Variants in NALCN observed in about 807,000 individuals in gnomAD.
NALCN encodes sodium leak channel, non-selective, also known as sodium leak channel NALCN.
In NALCN, 111 loss-of-function variants were observed where a neutral mutation model predicts 225.3. The ratio of observed to expected loss-of-function variants is 0.49; its 90% confidence interval spans 0.42 to 0.58. The LOEUF is 0.58. NALCN is among the 20% of genes least tolerant of loss of function. NALCN has a pLI of 0.00. For synonymous variants in NALCN, 764 were observed against 769.0 expected, an observed-to-expected ratio of 0.99 and a Z score of 0.11; for missense variants, 1,378 against 2,202.4, an observed-to-expected ratio of 0.63 and a Z score of 7.49.
intron 1 of NALCN, among the ~76,000 whole-genome samples, chr13:101,403,468 G>A (rs1176261830): frequency 6.6e-6 from 1 of 152,176 alleles, no homozygotes; most frequent in Non-Finnish European, 1.5e-5. Context: ...TCCCACATCA[G>A]TCTTTCCTAA....
At chr13:101,176,815 T>C (rs2038977334) in intron 14 of NALCN, among the ~76,000 whole-genome samples, 1 of 152,206 alleles carries the variant, frequency 6.6e-6, no homozygotes, top group African/African-American at 2.4e-5. Flanking sequence ...TGTGATAAGA[T>C]ACATGCAGCC....
At chr13:101,226,125 T>TA (rs1226817094) in intron 13 of NALCN, among the ~76,000 whole-genome samples, 1 of 151,834 alleles carries the variant, frequency 6.6e-6, no homozygotes, top group Non-Finnish European at 1.5e-5. Flanking sequence ...TCCCTTTGAT[T>TA]AAAAAAACAC....
intron 17 of NALCN, among the ~76,000 whole-genome samples, chr13:101,126,623 G>T (rs1312005710): frequency 6.6e-6 from 1 of 151,956 alleles, no homozygotes; most frequent in East Asian, 1.9e-4. Flanking sequence ...CACCCGAGTA[G>T]CTGGGACTAC....
At chr13:101,305,793 G>A (rs2044134343) in intron 7 of NALCN, among the ~76,000 whole-genome samples, 1 of 152,190 alleles carries the variant, frequency 6.6e-6, no homozygotes, top group South Asian at 2.1e-4. Flanking sequence ...TCCCTTTGTA[G>A]ATTGTAAACT....
chr13:101,225,022 C>A (rs1594473439), intron 13 of NALCN, among the ~76,000 whole-genome samples: 3 of 152,180 alleles, frequency 2.0e-5, no homozygotes, highest in Admixed American at 2.0e-4. Context: ...CTCCGTCAAC[C>A]AATGCCTCCT....
chr13:101,184,712 G>T (rs1415792143), intron 14 of NALCN, among the ~76,000 whole-genome samples: 1 of 152,110 alleles, frequency 6.6e-6, no homozygotes, highest in African/African-American at 2.4e-5. Context: ...CAGCTGAAAA[G>T]TATGATTTAT....
chr13:101,392,531 C>T (rs980765294), intron 3 of NALCN, among the ~76,000 whole-genome samples: 5 of 152,082 alleles, frequency 3.3e-5, no homozygotes, highest in Admixed American at 6.5e-5. Context: ...TACTTCAAAT[C>T]CCAATTTTTT....
In NALCN at chr13:101,160,176, G is replaced by A. The variant is rs146893553; in HGVS notation, c.1840-15280C>T. ...TCACCATGTTAGCCAGGATGGTCTC[G>A]ATCTCCTGACCTTGTGATCTGCCCG... On this transcript the variant is annotated intron_variant, in intron 15 of 43. Transcript: ENST00000251127. Among the ~76,000 whole-genome samples the A allele has an allele frequency of 5.8e-4, 89 of 152,172 alleles. No individual in the cohort carries two copies. The East Asian group carries it at 0.014, about 24-fold the overall frequency.
intron 1 of NALCN, among the ~76,000 whole-genome samples, chr13:101,399,682 G>C (rs546448792): frequency 6.6e-6 from 1 of 152,266 alleles, no homozygotes; most frequent in African/African-American, 2.4e-5. Context: ...GAAAGAATGG[G>C]GGAAGAACCT....
At chr13:101,148,192 T>G (rs538763315) in intron 15 of NALCN, among the ~76,000 whole-genome samples, 1 of 152,268 alleles carries the variant, frequency 6.6e-6, no homozygotes, top group South Asian at 2.1e-4. Context: ...CTCTCAGCAT[T>G]CTGGAGGCTA....
At chr13:101,179,180 T>C (rs2039087835) in intron 14 of NALCN, among the ~76,000 whole-genome samples, 2 of 152,208 alleles carry the variant, frequency 1.3e-5, no homozygotes, top group African/African-American at 4.8e-5. Context: ...GCACTGTGCT[T>C]GGAGTCAGAG....
chr13:101,200,241 C>T (rs1052319431), intron 13 of NALCN, among the ~76,000 whole-genome samples: 20 of 152,220 alleles, frequency 1.3e-4, no homozygotes, highest in South Asian at 4.2e-4. Context: ...CACTCCTTCC[C>T]AGCCAAGAAA....
chr13:101,173,944 T>A (rs2038853760), intron 15 of NALCN, among the ~76,000 whole-genome samples: 2 of 152,176 alleles, frequency 1.3e-5, no homozygotes, highest in African/African-American at 4.8e-5. Context: ...AGAATGTGTG[T>A]GTTTTTAAAA....
At chr13:101,111,778 C>T (rs982625890) in intron 18 of NALCN, among the ~76,000 whole-genome samples, 1 of 152,100 alleles carries the variant, frequency 6.6e-6, no homozygotes, top group Non-Finnish European at 1.5e-5. Context: ...TGCCTTTCAC[C>T]GTCTGCTATG....
At position 101,059,807 on chromosome 13, in the gene NALCN, C is replaced by G; in HGVS notation, c.4905+11G>C. ...GAGTGTCCTGGGACAGAGGACGCCTCGTGCCCATACCTCAGGTTGCATGCT... is the reference window on the plus strand; with the variant it reads ...GAGTGTCCTGGGACAGAGGACGCCTGGTGCCCATACCTCAGGTTGCATGCT... On this transcript the variant is annotated intron_variant, in intron 42 of 43. Coordinates refer to ENST00000251127, the MANE Select transcript of NALCN (RefSeq NM_052867.4). 6.2e-7 allele frequency: 1 copy of G among 1,613,586 alleles called. No homozygotes were observed. Among genetic ancestry groups the G allele is most frequent in the South Asian group, 1.1e-5 (1 of 91,052 alleles).
Position 101,055,180 on chromosome 13 carries a change from C to G in NALCN, c.*115G>C. The stretch of plus-strand genomic sequence containing the variant: ...AGGATGAAAATCAATTTATAAACAT[C>G]TTGTGACAAGCTGGAATTCAGTTAT... On this transcript the variant is annotated 3_prime_UTR_variant, in exon 44 of 44. Coordinates refer to ENST00000251127, the MANE Select transcript of NALCN (RefSeq NM_052867.4). 1.2e-6 allele frequency: 1 copy of G among 815,940 alleles called. No individual in the cohort carries two copies. Among genetic ancestry groups the G allele is most frequent in the Non-Finnish European group, 1.9e-6 (1 of 524,172 alleles). The allele number at this position is 815,940 out of a possible 1,614,324, so 50.5% of individuals were successfully genotyped here.
chr13:101,225,664 C>T (rs1222070926), intron 13 of NALCN, among the ~76,000 whole-genome samples: 3 of 152,208 alleles, frequency 2.0e-5, no homozygotes, highest in African/African-American at 7.2e-5. Context: ...GGGTCTCTGC[C>T]TCTCACTGAG....
chr13:101,349,053 G>A (rs74117881), intron 6 of NALCN, among the ~76,000 whole-genome samples: 3,978 of 152,114 alleles, frequency 0.026, 169 homozygotes, highest in African/African-American at 0.09. Context: ...TGGGGGTGGG[G>A]TGGATGGAAT....
At chr13:101,084,782 A>AT (rs1281902608) in intron 30 of NALCN, among the ~76,000 whole-genome samples, 2 of 152,210 alleles carry the variant, frequency 1.3e-5, no homozygotes, top group Non-Finnish European at 2.9e-5. Context: ...ACTGTCTCAC[A>AT]GTAAATATCT....
Sources: gnomAD v4.1 joint callset for allele counts (sites outside exome capture counted in the v4.1 genomes callset) on GRCh38, gnomAD v4.1.1 for gene constraint, MANE v1.5 for transcripts, NCBI Gene and HGNC (gene_info 2026-07-23, HGNC 2026-07-21) for gene names.